Variants in PLXNA4 observed in about 807,000 individuals in gnomAD.
The protein encoded by PLXNA4 is plexin-A4.
A neutral mutation model predicts 191.8 loss-of-function variants in PLXNA4; 44 were observed. The observed-to-expected ratio is 0.23, with a 90% CI of 0.18 to 0.29. The LOEUF is 0.29. PLXNA4 is among the 10% of genes least tolerant of loss of function. The pLI is 1.00. For missense variants in PLXNA4, 1,800 were observed against 2,488.8 expected, an observed-to-expected ratio of 0.72 and a Z score of 5.89; for synonymous variants, 1,082 against 1,009.5, an observed-to-expected ratio of 1.07 and a Z score of -1.36.
Position 132,252,209 on chromosome 7 carries a change from CT to C in PLXNA4, c.1504-11044del, listed in dbSNP as rs200824663. Among the ~76,000 whole-genome samples, 97 of 150,454 alleles carry C rather than the reference CT, an allele frequency of 6.4e-4. No individual in the cohort carries two copies. The East Asian group carries it at 0.018, about 28-fold the overall frequency. ...CATCCTGGACACAGGCAAAATGTAT[CT>C]TCTTCAGTAAGAGATACAGCTTTGA... is the stretch of plus-strand genomic sequence containing the variant. On this transcript the variant is annotated intron_variant, in intron 4 of 31. Coordinates refer to ENST00000321063, the MANE Select transcript of PLXNA4 (RefSeq NM_020911.2).
intron 1 of PLXNA4, among the ~76,000 whole-genome samples, chr7:132,512,097 G>T (rs1798736393): frequency 6.6e-6 from 1 of 152,202 alleles, no homozygotes; most frequent in Non-Finnish European, 1.5e-5. Context: ...GGCTAACAGG[G>T]CCCTCAAAAC....
At chr7:132,563,402 C>A (rs1189088336) in intron 1 of PLXNA4, among the ~76,000 whole-genome samples, 1 of 103,504 alleles carries the variant, frequency 9.7e-6, no homozygotes, top group Non-Finnish European at 2.0e-5. Context: ...CTTTCTCCTC[C>A]TCCTCCTCTC....
At chr7:132,183,272 C>T (rs565539579) in intron 16 of PLXNA4, among the ~76,000 whole-genome samples, 14 of 152,328 alleles carry the variant, frequency 9.2e-5, no homozygotes, top group African/African-American at 3.4e-4. Context: ...GGCTCTTGCA[C>T]ATGTGACAGA....
At position 132,219,183 on chromosome 7, in the gene PLXNA4, A is replaced by G. The variant is rs184647091; in HGVS notation, c.2097+4344T>C. Reference sequence around the variant, plus strand: ...TGAAAACCCCAGAGATTTGCAGAAGAGTCACCAGGGCCTGGGTATACCTTC... The same window carrying G: ...TGAAAACCCCAGAGATTTGCAGAAGGGTCACCAGGGCCTGGGTATACCTTC... On this transcript the variant is annotated intron_variant, in intron 9 of 31. Coordinates refer to ENST00000321063, the MANE Select transcript of PLXNA4 (RefSeq NM_020911.2). 5.3e-5 allele frequency among the ~76,000 whole-genome samples: 8 copies of G among 152,312 alleles called. No homozygotes were observed. In the East Asian group the frequency reaches 1.5e-3, roughly 29 times the overall value.
chr7:132,420,358 C>T (rs1218502400), intron 3 of PLXNA4, among the ~76,000 whole-genome samples: 3 of 152,168 alleles, frequency 2.0e-5, no homozygotes, highest in Non-Finnish European at 4.4e-5. Context: ...GTCCAGGGGA[C>T]AGCAAGAGAG....
At position 132,508,574 on chromosome 7, in the gene PLXNA4, A is replaced by T. The variant is rs775353699; in HGVS notation, c.120T>A (p.Phe40Leu). ...PAPLSQKQRS[F>L]VTFRGEPAEG... ...CGGCGGGCTCTCCTCGGAATGTGAC[A>T]AATGACCGCTGCTTCTGGGACAGCG... The change falls in exon 2 of 32, where the codon TTT becomes TTA. Residue 40 changes from phenylalanine to leucine, a missense_variant. Phe to Leu is a conservative substitution (Grantham distance 22, BLOSUM62 0). Coordinates refer to ENST00000321063, the MANE Select transcript of PLXNA4 (RefSeq NM_020911.2). This position sits in a 1 kb window ranked among gnomAD's most constrained non-coding sequence, Gnocchi z 4.4. 1 of 1,614,008 alleles carries T rather than the reference A, an allele frequency of 6.2e-7. No homozygotes were observed. Among genetic ancestry groups the T allele is most frequent in the Non-Finnish European group, 8.5e-7 (1 of 1,179,996 alleles).
intron 3 of PLXNA4, 141 bp downstream of exon 3, chr7:132,489,151 T>G (rs112406317): frequency 0.024 from 20,636 of 849,382 alleles, 345 homozygotes; most frequent in Non-Finnish European, 0.028. Context: ...CATCATGACC[T>G]CAACAGCAGC....
chr7:132,562,802 CT>C, intron 1 of PLXNA4, among the ~76,000 whole-genome samples: 4 of 35,926 alleles, frequency 1.1e-4, no homozygotes, highest in Non-Finnish European at 1.6e-4. Flanking sequence ...CCACCTCCTC[CT>C]TCTCCTCCTC....
chr7:132,383,722 T>C (rs1804995165), intron 3 of PLXNA4: 5 of 983,866 alleles, frequency 5.1e-6, no homozygotes, highest in Non-Finnish European at 6.0e-6. Context: ...CTGAAATGTG[T>C]ATCTTGGTGA....
intron 3 of PLXNA4, among the ~76,000 whole-genome samples, chr7:132,436,979 C>T (rs532648129): frequency 3.3e-5 from 5 of 152,206 alleles, no homozygotes; most frequent in Non-Finnish European, 7.3e-5. Flanking sequence ...TATGACTGGG[C>T]TTTCCTGCTG....
chr7:132,243,842 T>G (rs1011363431), intron 4 of PLXNA4, among the ~76,000 whole-genome samples: 2 of 152,078 alleles, frequency 1.3e-5, no homozygotes, highest in Non-Finnish European at 2.9e-5. Flanking sequence ...AGAAAACTCC[T>G]CTGACAGTCT....
chr7:132,527,874 A>G (rs1162418164), intron 1 of PLXNA4, among the ~76,000 whole-genome samples: 1 of 152,204 alleles, frequency 6.6e-6, no homozygotes, highest in Non-Finnish European at 1.5e-5. Context: ...CTGCACACAG[A>G]GGCACGAGAA....
chr7:132,557,046 CATATA>C (rs1183246066), intron 1 of PLXNA4, among the ~76,000 whole-genome samples: 1 of 152,170 alleles, frequency 6.6e-6, no homozygotes, highest in Non-Finnish European at 1.5e-5. Context: ...GTAAGACACA[CATATA>C]ATGAGGGTGG....
At chr7:132,168,607 C>T (rs1407669094) in intron 21 of PLXNA4, 35 bp from the exon 22 acceptor site, 33 of 1,533,720 alleles carry the variant, frequency 2.2e-5, no homozygotes, top group Non-Finnish European at 2.6e-5. Context: ...ATGCCATTGG[C>T]AGGTTGGGGA....
At chr7:132,145,432 A>T in intron 28 of PLXNA4, 144 bp from the exon 29 acceptor site, 2 of 1,125,162 alleles carry the variant, frequency 1.8e-6, no homozygotes, top group Non-Finnish European at 2.5e-6. Context: ...CCATGCATTA[A>T]ATCATTTTTT....
chr7:132,382,493 C>G (rs560115769), intron 3 of PLXNA4, among the ~76,000 whole-genome samples: 4 of 152,218 alleles, frequency 2.6e-5, no homozygotes, highest in Non-Finnish European at 5.9e-5. Flanking sequence ...AATATGAGGT[C>G]CCCGTGGCAG....
chr7:132,462,078 T>C (rs1796529333), intron 3 of PLXNA4, among the ~76,000 whole-genome samples: 1 of 152,130 alleles, frequency 6.6e-6, no homozygotes, highest in Admixed American at 6.5e-5. Context: ...CATGTTGAAA[T>C]TATCATAATG....
chr7:132,203,481 C>T (rs147156645), intron 10 of PLXNA4, 62 bp from the exon 11 acceptor site: 31 of 1,426,830 alleles, frequency 2.2e-5, no homozygotes, highest in Middle Eastern at 3.5e-4. Flanking sequence ...CTAGAGAGGG[C>T]CCAAATGATC....
intron 3 of PLXNA4, among the ~76,000 whole-genome samples, chr7:132,356,145 C>T (rs1003159461): frequency 6.6e-6 from 1 of 152,184 alleles, no homozygotes; most frequent in Non-Finnish European, 1.5e-5. Context: ...GCCAGATCTT[C>T]CTAGAAGCTC....
Sources: gnomAD v4.1 joint callset for allele counts (sites outside exome capture counted in the v4.1 genomes callset) on GRCh38, gnomAD v4.1.1 for gene constraint, Gnocchi (gnomAD v3.1) non-coding constraint, MANE v1.5 for transcripts, NCBI Gene and HGNC (gene_info 2026-07-23, HGNC 2026-07-21) for gene names.